Variants in SLC24A4 observed in about 807,000 individuals in gnomAD.
The protein encoded by SLC24A4 is sodium/potassium/calcium exchanger 4.
In SLC24A4, 53 loss-of-function variants were observed where a neutral mutation model predicts 79.0. The observed-to-expected ratio is 0.67, with a 90% CI of 0.54 to 0.84. The LOEUF (loss-of-function observed/expected upper bound fraction) is 0.84. Ranked by LOEUF, SLC24A4 falls within the 40% of genes least tolerant of loss-of-function variation. The pLI is 0.00. For synonymous variants in SLC24A4, 323 were observed against 323.8 expected (o/e 1.00, Z 0.03); for missense variants, 731 against 822.0 (o/e 0.89, Z 1.35).
intron 2 of SLC24A4, among the ~76,000 whole-genome samples, chr14:92,401,700 C>T (rs747121318): frequency 4.6e-5 from 7 of 152,256 alleles, no homozygotes; most frequent in African/African-American, 7.2e-5. Flanking sequence ...TGACCTTGGG[C>T]GAGTTATCTA....
chr14:92,451,515 G>C (rs1343345492), intron 10 of SLC24A4: 1 of 152,210 alleles, frequency 6.6e-6, no homozygotes, highest in Non-Finnish European at 1.5e-5. Flanking sequence ...TCGCTGTGTG[G>C]CCACCCCACC....
In SLC24A4 at chr14:92,496,027, C is replaced by T. The variant is rs1895909885; in HGVS notation, c.*2399C>T. ...CTGCTGGTTTTCAATTCTCTGAAGCCTTGTGTAGCTTTCAGAGCACACGTA... is the reference window on the plus strand; with the variant it reads ...CTGCTGGTTTTCAATTCTCTGAAGCTTTGTGTAGCTTTCAGAGCACACGTA... On this transcript the variant is annotated 3_prime_UTR_variant, in exon 17 of 17. Coordinates refer to ENST00000532405, the MANE Select transcript of SLC24A4 (RefSeq NM_153646.4). 1 of 152,510 alleles carries T rather than the reference C, an allele frequency of 6.6e-6. No individual in the cohort carries two copies. Among genetic ancestry groups the T allele is most frequent in the Admixed American group, 6.5e-5 (1 of 15,288 alleles). 9.4% of individuals were successfully genotyped at this position (152,510 alleles called of 1,614,324 possible). A position where few individuals can be genotyped will look rare whatever the true frequency, so the allele number is the denominator to read the frequency against.
At chr14:92,459,685 C>A (rs1893685671) in intron 12 of SLC24A4, among the ~76,000 whole-genome samples, 1 of 152,182 alleles carries the variant, frequency 6.6e-6, no homozygotes, top group African/African-American at 2.4e-5. Flanking sequence ...GCTTCCTTTT[C>A]TTCTTCCTCC....
chr14:92,347,704 G>A (rs1886620916), intron 2 of SLC24A4, among the ~76,000 whole-genome samples: 1 of 152,166 alleles, frequency 6.6e-6, no homozygotes, highest in Non-Finnish European at 1.5e-5. Context: ...CGAGGTGGGT[G>A]AATCACGAGG....
intron 2 of SLC24A4, among the ~76,000 whole-genome samples, chr14:92,359,241 C>T (rs1020411458): frequency 1.3e-5 from 2 of 152,142 alleles, no homozygotes; most frequent in African/African-American, 4.8e-5. Flanking sequence ...CAACCCCAAT[C>T]CACTCTTAAC....
chr14:92,326,358 G>T (rs1161211907), intron 2 of SLC24A4, among the ~76,000 whole-genome samples: 4 of 152,160 alleles, frequency 2.6e-5, no homozygotes, highest in African/African-American at 4.8e-5. Context: ...AGATCCAGCT[G>T]CTGTGGCAAT....
Position 92,323,959 on chromosome 14 carries a change from G to T in SLC24A4, c.129G>T (p.Leu43Phe). The stretch of plus-strand genomic sequence containing the variant: ...GTGCGTCCGGCCTCTTCGGCAGCTT[G>T]GGTGGGTGCTGGTACGGGTCCCCTC... ...VCCASGLFGS[L>F]GHKTASASKR... The change falls in exon 1 of 17, where the codon TTG becomes TTT. Residue 43 changes from leucine (L) to phenylalanine (F), a missense_variant and splice_region_variant. Transcript: ENST00000532405. The surrounding 1 kb of genome is among the most constrained non-coding windows in gnomAD (Gnocchi z 4.9). The T allele has an allele frequency of 6.2e-7, 1 of 1,610,406 alleles. No homozygotes were observed.
At chr14:92,423,839 G>A (rs1345619257) in intron 2 of SLC24A4, among the ~76,000 whole-genome samples, 2 of 152,138 alleles carry the variant, frequency 1.3e-5, no homozygotes, top group Non-Finnish European at 2.9e-5. Flanking sequence ...ATTGGTTTAG[G>A]GAATGTTTTG....
chr14:92,432,438 A>C (rs1471790481), intron 2 of SLC24A4, among the ~76,000 whole-genome samples: 1 of 152,228 alleles, frequency 6.6e-6, no homozygotes. Flanking sequence ...GAGAATCAGG[A>C]AATGTCTCGA....
intron 2 of SLC24A4, among the ~76,000 whole-genome samples, chr14:92,431,835 A>G (rs1891888452): frequency 6.6e-6 from 1 of 152,214 alleles, no homozygotes; most frequent in South Asian, 2.1e-4. Flanking sequence ...GCTCATGCGT[A>G]GTCGAGCTAG....
chr14:92,454,166 G>C, intron 11 of SLC24A4, 97 bp downstream of exon 11: 1 of 1,318,794 alleles, frequency 7.6e-7, no homozygotes, highest in Non-Finnish European at 1.0e-6. Context: ...CACTGCACCT[G>C]TTTAAGGAAG....
chr14:92,430,419 T>C (rs1891802205), intron 2 of SLC24A4, among the ~76,000 whole-genome samples: 1 of 152,216 alleles, frequency 6.6e-6, no homozygotes, highest in East Asian at 1.9e-4. Flanking sequence ...AGCTCAGGTG[T>C]GCCTGGAGGC....
intron 12 of SLC24A4, among the ~76,000 whole-genome samples, chr14:92,480,379 C>T (rs1894998224): frequency 7.5e-6 from 1 of 134,114 alleles, no homozygotes; most frequent in African/African-American, 2.7e-5. Flanking sequence ...CTGCAAGCTC[C>T]ACTTCCCGGG....
At chr14:92,342,655 T>A (rs1886232018) in intron 2 of SLC24A4, among the ~76,000 whole-genome samples, 1 of 152,202 alleles carries the variant, frequency 6.6e-6, no homozygotes, top group African/African-American at 2.4e-5. Flanking sequence ...GTGCTGAGAT[T>A]ACAGGCGTGC....
chr14:92,443,372 G>A (rs1325099251), intron 6 of SLC24A4, 28 bp from the exon 7 acceptor site: 1 of 1,613,120 alleles, frequency 6.2e-7, no homozygotes, highest in Admixed American at 1.7e-5. Context: ...TGCGCTCATA[G>A]CAGCCAACGA....
chr14:92,469,847 G>A (rs373354941), intron 12 of SLC24A4, among the ~76,000 whole-genome samples: 23 of 152,208 alleles, frequency 1.5e-4, no homozygotes, highest in African/African-American at 4.1e-4. Context: ...TATATGGAAC[G>A]CCCAGAATAG....
chr14:92,488,828 C>G (rs1204050257), intron 14 of SLC24A4, among the ~76,000 whole-genome samples: 1 of 152,188 alleles, frequency 6.6e-6, no homozygotes, highest in Admixed American at 6.5e-5. Context: ...GCTGGGTGGA[C>G]ACAGTGGAAG....
intron 2 of SLC24A4, among the ~76,000 whole-genome samples, chr14:92,342,450 C>T (rs908525673): frequency 6.6e-6 from 1 of 151,878 alleles, no homozygotes; most frequent in South Asian, 2.1e-4. Flanking sequence ...ATGGCGCGAT[C>T]CCAGCTCACT....
At chr14:92,493,005 CACACACACACACAGAG>C in intron 16 of SLC24A4, 1 of 307,274 alleles carries the variant, frequency 3.3e-6, no homozygotes, top group South Asian at 2.2e-5. Context: ...CACACACACA[CACACACACACACAGAG>C]AAAGATTTGC....
Sources: gnomAD v4.1 joint callset for allele counts (sites outside exome capture counted in the v4.1 genomes callset) on GRCh38, gnomAD v4.1.1 for gene constraint, Gnocchi (gnomAD v3.1) non-coding constraint, MANE v1.5 for transcripts, NCBI Gene and HGNC (gene_info 2026-07-23, HGNC 2026-07-21) for gene names.